The following ADCK1 variants were observed in gnomAD, a reference collection of about 807,000 sequenced individuals.
ADCK1 encodes the protein aarF domain-containing protein kinase 1.
Under a neutral mutation model 52.3 loss-of-function variants are expected in ADCK1, and 41 were observed. The observed-to-expected ratio is 0.78, with a 90% CI of 0.61 to 1.02. ADCK1 has a LOEUF of 1.02. Ranked by LOEUF, ADCK1 falls within the 50% of genes least tolerant of loss-of-function variation. The pLI, the probability that ADCK1 is intolerant of heterozygous loss-of-function variation, is 0.00. For synonymous variants in ADCK1, 250 were observed against 274.6 expected, an observed-to-expected ratio of 0.91 and a Z score of 0.89; for missense variants, 658 against 679.5, an observed-to-expected ratio of 0.97 and a Z score of 0.35.
intron 1 of ADCK1, among the ~76,000 whole-genome samples, chr14:77,800,491 G>C (rs555238302): frequency 8.5e-5 from 13 of 152,374 alleles, no homozygotes; most frequent in African/African-American, 3.1e-4. Flanking sequence ...AGTGGGCAGA[G>C]CTGGAGGAGG....
chr14:77,812,866 A>G (rs2081363943), intron 1 of ADCK1, among the ~76,000 whole-genome samples: 3 of 152,100 alleles, frequency 2.0e-5, no homozygotes. Flanking sequence ...CTGGGGTTAC[A>G]GATATGAGTC....
intron 1 of ADCK1, among the ~76,000 whole-genome samples, chr14:77,812,341 T>A (rs764744773): frequency 5.3e-5 from 8 of 152,140 alleles, no homozygotes; most frequent in Non-Finnish European, 1.0e-4. Flanking sequence ...CCTCTAAGAG[T>A]TTGACTTCTT....
chr14:77,848,406 C>G (rs960852456), intron 3 of ADCK1, among the ~76,000 whole-genome samples: 6 of 152,192 alleles, frequency 3.9e-5, no homozygotes, highest in African/African-American at 1.4e-4. Flanking sequence ...GTACCTATCT[C>G]AAGGGCTTTT....
At chr14:77,872,611 C>T (rs994421293) in intron 4 of ADCK1, among the ~76,000 whole-genome samples, 7 of 151,920 alleles carry the variant, frequency 4.6e-5, no homozygotes, top group African/African-American at 1.7e-4. Flanking sequence ...CCCTCTTGCT[C>T]TCCCGCCTGC....
chr14:77,859,229 A>G lies in ADCK1; in HGVS notation c.373A>G (p.Ser125Gly), dbSNP rs544400304. Residue 125 changes from serine to glycine, a missense_variant, in exon 4 of 11, where the codon AGC (serine) becomes GGC (glycine). Coordinates refer to ENST00000238561, the MANE Select transcript of ADCK1 (RefSeq NM_020421.4). ...LKVLHSQAPQ[S>G]SMQEIRQVIR... is the part of the protein sequence containing the mutation. ...GGTACTGCACAGCCAGGCTCCACAG[A>G]GCAGCATGCAAGAGATCCGCCAGGT... 6.2e-7 allele frequency: 1 copy of G among 1,614,008 alleles called. No homozygotes were observed. The highest frequency in any genetic ancestry group is 1.7e-5 in the Admixed American group (1 of 60,018).
At chr14:77,922,446 G>A (rs1402766726) in intron 7 of ADCK1, among the ~76,000 whole-genome samples, 1 of 152,218 alleles carries the variant, frequency 6.6e-6, no homozygotes, top group Non-Finnish European at 1.5e-5. Context: ...ATGAAAGCTA[G>A]TCTGCTCACC....
chr14:77,804,516 C>G (rs2081177529), intron 1 of ADCK1, among the ~76,000 whole-genome samples: 1 of 151,548 alleles, frequency 6.6e-6, no homozygotes, highest in African/African-American at 2.4e-5. Context: ...CAGAGGTGGT[C>G]TCAAGGGTAG....
chr14:77,876,557 G>A (rs532463713), intron 4 of ADCK1, among the ~76,000 whole-genome samples: 3 of 152,168 alleles, frequency 2.0e-5, no homozygotes, highest in Non-Finnish European at 4.4e-5. Flanking sequence ...AATGTTTTAG[G>A]TGTTGCAGGC....
chr14:77,858,871 G>A (rs1296257602), intron 3 of ADCK1, among the ~76,000 whole-genome samples: 2 of 152,192 alleles, frequency 1.3e-5, no homozygotes, highest in African/African-American at 2.4e-5. Context: ...GGCGGCCTCT[G>A]TATGAGGTTG....
chr14:77,894,782 A>G (rs1350001255), intron 5 of ADCK1, among the ~76,000 whole-genome samples: 5 of 39,560 alleles, frequency 1.3e-4, no homozygotes, highest in African/African-American at 4.0e-4. Flanking sequence ...GTCTCACTCT[A>G]TTTATTGCCG....
chr14:77,898,964 C>A, intron 5 of ADCK1, 136 bp from the exon 6 acceptor site: 1 of 1,202,888 alleles, frequency 8.3e-7, no homozygotes, highest in African/African-American at 1.5e-5. Flanking sequence ...CTATGTTTCC[C>A]TCCTGGAATT....
chr14:77,902,300 G>C (rs1211375789), intron 6 of ADCK1: 2 of 152,174 alleles, frequency 1.3e-5, no homozygotes, highest in Admixed American at 6.5e-5. Flanking sequence ...GTGTGGTGAG[G>C]GTTGGGTACG....
intron 6 of ADCK1, among the ~76,000 whole-genome samples, chr14:77,900,151 G>A (rs1484570633): frequency 1.3e-5 from 2 of 151,754 alleles, no homozygotes; most frequent in African/African-American, 4.8e-5. Context: ...AAAACCAGTA[G>A]CATAGTTTTA....
intron 9 of ADCK1, among the ~76,000 whole-genome samples, chr14:77,928,659 G>A (rs1287623129): frequency 1.3e-5 from 2 of 151,896 alleles, no homozygotes; most frequent in Non-Finnish European, 2.9e-5. Flanking sequence ...ATGGGGTTTC[G>A]CCATGTTGGC....
At chr14:77,874,777 A>T (rs537170300) in intron 4 of ADCK1, among the ~76,000 whole-genome samples, 102 of 152,330 alleles carry the variant, frequency 6.7e-4, no homozygotes, top group Non-Finnish European at 7.8e-4. Context: ...GGGGAATAGC[A>T]GCTGTTAAAT....
intron 4 of ADCK1, among the ~76,000 whole-genome samples, chr14:77,861,515 T>G (rs757653308): frequency 6.6e-6 from 1 of 151,956 alleles, no homozygotes; most frequent in Non-Finnish European, 1.5e-5. Flanking sequence ...GATGCTTGAG[T>G]GGGCCCCACT....
intron 1 of ADCK1, among the ~76,000 whole-genome samples, chr14:77,805,413 C>T (rs553434370): frequency 6.6e-6 from 1 of 151,674 alleles, no homozygotes; most frequent in South Asian, 2.1e-4. Context: ...AGGCACCTGC[C>T]ACCACACTTG....
At chr14:77,915,423 G>A (rs1231448352) in intron 7 of ADCK1, among the ~76,000 whole-genome samples, 1 of 143,216 alleles carries the variant, frequency 7.0e-6, no homozygotes, top group South Asian at 2.2e-4. Context: ...TCCCAACTAT[G>A]AGTGATAAAT....
chr14:77,851,318 A>G (rs776654827), intron 3 of ADCK1, among the ~76,000 whole-genome samples: 4 of 152,020 alleles, frequency 2.6e-5, no homozygotes, highest in Admixed American at 2.6e-4. Flanking sequence ...GGGTTTCACC[A>G]TATTGGTCAG....
Sources: allele counts gnomAD v4.1 joint callset (sites outside exome capture counted in the v4.1 genomes callset), GRCh38; gene constraint gnomAD v4.1.1; transcripts MANE v1.5; gene names NCBI Gene and HGNC (gene_info 2026-07-23, HGNC 2026-07-21).